Variants in ZFHX3 observed in about 807,000 individuals in gnomAD.
ZFHX3 encodes the protein zinc finger homeobox protein 3.
ZFHX3 carries 42 observed loss-of-function variants against 279.1 expected under a neutral mutation model. The ratio of observed to expected loss-of-function variants is 0.15; its 90% CI spans 0.12 to 0.19. The LOEUF (loss-of-function observed/expected upper bound fraction) is 0.19. Among genes scored for constraint, ZFHX3 ranks in the 10% least tolerant of loss-of-function variants. ZFHX3 has a pLI of 1.00. For missense variants in ZFHX3, 4,981 were observed against 4,754.0 expected (o/e 1.05, Z -1.40); for synonymous variants, 2,293 against 1,957.8 (o/e 1.17, Z -4.52).
At chr16:73,079,123 A>T (rs906207414) in intron 8 of ZFHX3, among the ~76,000 whole-genome samples, 2 of 152,040 alleles carry the variant, frequency 1.3e-5, no homozygotes, top group African/African-American at 4.8e-5. Flanking sequence ...CTGGAGTCCA[A>T]CCCGACCAGG....
rs1567550516 is a variant in ZFHX3 at position 73,682,892 on chromosome 16, AAGAAAGAAAGAAAGAGAAAGAAAGAG to A, written c.-1607-2678_-1607-2653del. On this transcript the variant is annotated intron_variant, in intron 1 of 17. Transcript: ENST00000641206. ...AAAGAAAGAAAGAAAGAAAGAAAGA[AAGAAAGAAAGAAAGAGAAAGAAAGAG>A]AGAAAGAGAAAGAAAGAAAGAAAGA... 4.7e-3 allele frequency among the ~76,000 whole-genome samples: 133 copies of A among 28,330 alleles called. 3 individuals are homozygous for A. Among genetic ancestry groups the A allele is most frequent in the Admixed American group, 6.5e-3 (13 of 1,994 alleles). The allele number at this position is 28,330 out of a possible 152,430, so 18.6% of individuals were successfully genotyped here. A position where few individuals can be genotyped will look rare whatever the true frequency, so the allele number is the denominator to read the frequency against.
intron 2 of ZFHX3, among the ~76,000 whole-genome samples, chr16:73,600,007 GT>G (rs2052094674): frequency 6.6e-6 from 1 of 152,202 alleles, no homozygotes; most frequent in Admixed American, 6.5e-5. Flanking sequence ...TTTGGGGTAA[GT>G]TTGGGAGGGC....
chr16:72,969,455 A>G (rs144344482), intron 1 of ZFHX3, among the ~76,000 whole-genome samples: 186 of 152,226 alleles, frequency 1.2e-3, no homozygotes, highest in Middle Eastern at 3.4e-3. Context: ...GAACTTTCGC[A>G]AAGTTCCCTA....
chr16:73,575,158 T>C (rs1597007036), intron 2 of ZFHX3, among the ~76,000 whole-genome samples: 1 of 152,180 alleles, frequency 6.6e-6, no homozygotes, highest in East Asian at 1.9e-4. Flanking sequence ...ACCCACCCCA[T>C]AACATATTAT....
rs1317361903 is a variant in ZFHX3, at chr16:73,315,179, T to C, written c.-1194+3061A>G. Among the ~76,000 whole-genome samples, 4 of 147,954 alleles carry C rather than the reference T, an allele frequency of 2.7e-5. No individual in the cohort carries two copies. The East Asian group carries it at 7.9e-4, about 29-fold the overall frequency. On this transcript the variant is annotated intron_variant, in intron 4 of 17. Coordinates refer to the ZFHX3 transcript ENST00000641206. ...GGAGTTGCAGTGAGCACCACTGCAC[T>C]CCAGCCTGGGTGACAAGAGTGAAAA...
chr16:73,096,066 G>A (rs1384486538), intron 7 of ZFHX3, among the ~76,000 whole-genome samples: 3 of 152,130 alleles, frequency 2.0e-5, no homozygotes, highest in East Asian at 1.9e-4. Flanking sequence ...TGGAGATGCT[G>A]GCCCCGGGCC....
intron 2 of ZFHX3, among the ~76,000 whole-genome samples, chr16:73,553,044 C>G (rs2020224473): frequency 6.6e-6 from 1 of 152,192 alleles, no homozygotes; most frequent in Admixed American, 6.5e-5. Context: ...ATCACATCGC[C>G]TGTGAATTGG....
intron 1 of ZFHX3, among the ~76,000 whole-genome samples, chr16:73,823,467 A>G (rs1960809804): frequency 6.6e-6 from 1 of 152,242 alleles, no homozygotes; most frequent in African/African-American, 2.4e-5. Flanking sequence ...AAACCAATGC[A>G]GGAACAGTGG....
intron 4 of ZFHX3, among the ~76,000 whole-genome samples, chr16:73,262,601 C>T (rs2013856483): frequency 6.6e-6 from 1 of 152,084 alleles, no homozygotes; most frequent in African/African-American, 2.4e-5. Context: ...AAAGTGGTTG[C>T]CCAAGGTGGC....
chr16:73,142,019 G>A (rs1329108845), intron 6 of ZFHX3, among the ~76,000 whole-genome samples: 1 of 152,170 alleles, frequency 6.6e-6, no homozygotes, highest in Non-Finnish European at 1.5e-5. Context: ...ACAAGGCTGC[G>A]ATGAAGGCTC....
chr16:73,120,650 C>CTTTT (rs1174733016), intron 7 of ZFHX3, among the ~76,000 whole-genome samples: 118 of 110,658 alleles, frequency 1.1e-3, no homozygotes, highest in Non-Finnish European at 1.3e-3. Context: ...TCCTCTCTAC[C>CTTTT]TTTTTTTTTT....
intron 1 of ZFHX3, among the ~76,000 whole-genome samples, chr16:73,741,331 A>G (rs546857572): frequency 9.8e-5 from 15 of 152,308 alleles, no homozygotes; most frequent in Middle Eastern, 3.4e-3. Context: ...GCAAGTGCCA[A>G]TTAGGGAAAT....
At chr16:73,053,523 C>T (rs1204548781) in intron 1 of ZFHX3, among the ~76,000 whole-genome samples, 1 of 151,984 alleles carries the variant, frequency 6.6e-6, no homozygotes, top group Non-Finnish European at 1.5e-5. Context: ...GTATTAAAGA[C>T]ACAGACAAGG....
At chr16:72,858,767 C>T (rs769224032) in intron 4 of ZFHX3, among the ~76,000 whole-genome samples, 1 of 152,240 alleles carries the variant, frequency 6.6e-6, no homozygotes, top group Non-Finnish European at 1.5e-5. Flanking sequence ...GACCTGGCTG[C>T]CCCATTTACG....
intron 2 of ZFHX3, among the ~76,000 whole-genome samples, chr16:73,672,853 C>A (rs1411909368): frequency 6.6e-6 from 1 of 151,936 alleles, no homozygotes; most frequent in Admixed American, 6.6e-5. Context: ...GAACTATACC[C>A]AAATATTCAA....
At chr16:73,327,379 C>T (rs2143215338) in intron 3 of ZFHX3, among the ~76,000 whole-genome samples, 1 of 152,260 alleles carries the variant, frequency 6.6e-6, no homozygotes, top group East Asian at 1.9e-4. Flanking sequence ...CCACTCCTAC[C>T]CTTCAAAGAG....
intron 3 of ZFHX3, among the ~76,000 whole-genome samples, chr16:73,392,099 A>T (rs1336577963): frequency 6.6e-6 from 1 of 152,146 alleles, no homozygotes; most frequent in Non-Finnish European, 1.5e-5. Flanking sequence ...GGAAGTCAGT[A>T]GATAATGCCT....
intron 2 of ZFHX3, among the ~76,000 whole-genome samples, chr16:73,623,436 A>T (rs887376126): frequency 6.6e-6 from 1 of 152,184 alleles, no homozygotes; most frequent in East Asian, 1.9e-4. Context: ...TGTTAGTGAC[A>T]GACAGAGCTC....
intron 1 of ZFHX3, among the ~76,000 whole-genome samples, chr16:73,779,963 C>T (rs747504015): frequency 7.2e-5 from 11 of 151,782 alleles, no homozygotes; most frequent in Non-Finnish European, 1.5e-4. Flanking sequence ...ATGACCCACC[C>T]GCCTTGGCCT....
Sources: allele counts gnomAD v4.1 joint callset (sites outside exome capture counted in the v4.1 genomes callset), GRCh38; gene constraint gnomAD v4.1.1; transcripts MANE v1.5; gene names NCBI Gene and HGNC (gene_info 2026-07-23, HGNC 2026-07-21).